The following CASP9 variants were observed in gnomAD, a reference collection of about 807,000 sequenced individuals.
The protein encoded by CASP9 is caspase-9.
In CASP9, 29 loss-of-function variants were observed where a neutral mutation model predicts 43.5. The observed-to-expected ratio is 0.67, with a 90% CI of 0.50 to 0.91. CASP9 has a LOEUF of 0.91. Ranked by LOEUF, CASP9 falls within the 40% of genes least tolerant of loss-of-function variation. The probability of loss-of-function intolerance (pLI) is 0.00; values close to 1 mark genes in which losing one functional copy is unlikely to be tolerated. For synonymous variants in CASP9, 206 were observed against 211.9 expected (o/e 0.97, Z 0.24); for missense variants, 575 against 537.4 (o/e 1.07, Z -0.69).
Position 15,507,857 on chromosome 1 carries a change from T to C in CASP9, c.453+16A>G, listed in dbSNP as rs1167272932. The C allele has an allele frequency of 6.2e-7, 1 of 1,613,794 alleles. No individual in the cohort carries two copies. Among genetic ancestry groups the C allele is most frequent in the African/African-American group, 1.3e-5 (1 of 74,892 alleles). ...CCAGAGCCCGAGCTACTGGCCCAAA[T>C]TTCATGGAGACTCACCAAATCTGCA... On this transcript the variant is annotated intron_variant, in intron 3 of 8. Coordinates refer to ENST00000333868, the MANE Select transcript of CASP9 (RefSeq NM_001229.5).
At chr1:15,500,612 C>G (rs1050878596) in intron 6 of CASP9, among the ~76,000 whole-genome samples, 1 of 152,198 alleles carries the variant, frequency 6.6e-6, no homozygotes, top group Non-Finnish European at 1.5e-5. Flanking sequence ...AGGGGGGCCT[C>G]TTTGATCTGT....
Position 15,495,409 on chromosome 1 carries a change from T to G in CASP9, c.912A>C (p.Glu304Asp). ...CGGGGTTACTGCCAGGGGACTCGTC[T>G]TCAGGGGAAGTGGAGGCCACCTCAA... is the stretch of plus-strand genomic sequence containing the variant. ...HGFEVASTSP[E>D]DESPGSNPEP... The change falls in exon 7 of 9, where the codon GAA becomes GAC. Residue 304 changes from glutamate (E) to aspartate (D), a missense_variant. Coordinates refer to ENST00000333868, the MANE Select transcript of CASP9 (RefSeq NM_001229.5). 1.2e-6 allele frequency: 2 copies of G among 1,606,628 alleles called. No individual in the cohort carries two copies. Among genetic ancestry groups the G allele is most frequent in the East Asian group, 4.5e-5 (2 of 44,736 alleles).
intron 6 of CASP9, among the ~76,000 whole-genome samples, chr1:15,496,841 C>T (rs1709120472): frequency 6.6e-6 from 1 of 151,766 alleles, no homozygotes; most frequent in South Asian, 2.1e-4. Context: ...CCAGCAAAAC[C>T]TCATCTCTAC....
Position 15,518,470 on chromosome 1 carries a change from C to T in CASP9, c.133-75G>A, listed in dbSNP as rs1710047133. On this transcript the variant is annotated intron_variant, in intron 1 of 8. Transcript: ENST00000333868. ...GCTCTCACCTTGTCTCCCCATTTCC[C>T]AGCTACTGTAAGTCTAAACAATCAG... 16 of 1,490,752 alleles carry T rather than the reference C, an allele frequency of 1.1e-5. No individual in the cohort carries two copies. In the South Asian group the frequency reaches 1.9e-4, roughly 18 times the overall value. 92.3% of individuals were successfully genotyped at this position (1,490,752 alleles called of 1,614,324 possible).
intron 4 of CASP9, 24 bp downstream of exon 4, chr1:15,506,875 T>A: frequency 2.2e-5 from 34 of 1,518,784 alleles, no homozygotes; most frequent in Non-Finnish European, 2.9e-5. Flanking sequence ...CCACCCTGTC[T>A]CCCTCCACAG....
At chr1:15,503,525 C>T (rs940055776) in intron 6 of CASP9, among the ~76,000 whole-genome samples, 1 of 152,176 alleles carries the variant, frequency 6.6e-6, no homozygotes, top group Non-Finnish European at 1.5e-5. Flanking sequence ...CTGTTTTTCC[C>T]CTATCCCCAG....
chr1:15,498,349 G>A (rs951237815), intron 6 of CASP9, among the ~76,000 whole-genome samples: 2 of 142,600 alleles, frequency 1.4e-5, no homozygotes, highest in African/African-American at 5.6e-5. Flanking sequence ...AAAGTGCTGG[G>A]ATTACAGGCA....
rs538733410 is a variant in CASP9 at position 15,509,407 on chromosome 1, G to T, written c.419-1500C>A. Among the ~76,000 whole-genome samples, 43 of 148,208 alleles carry T rather than the reference G, an allele frequency of 2.9e-4. 1 individual carries two copies. In the South Asian group the frequency reaches 8.9e-3, roughly 31 times the overall value. ...TGGGAGGCAGATCACCTGAGGTCAGGAGTTCGAGACTAGCCTGGCCAACGT... is the reference window on the plus strand; with the variant it reads ...TGGGAGGCAGATCACCTGAGGTCAGTAGTTCGAGACTAGCCTGGCCAACGT... On this transcript the variant is annotated intron_variant, in intron 2 of 8. Transcript: ENST00000333868.
intron 3 of CASP9, 50 bp from the exon 4 acceptor site, chr1:15,507,125 G>C: frequency 2.5e-6 from 4 of 1,609,674 alleles, no homozygotes; most frequent in East Asian, 2.2e-5. Context: ...ACGCTCCCTA[G>C]AGGACAGTCT....
At chr1:15,506,284 A>G (rs1439781687) in intron 4 of CASP9, among the ~76,000 whole-genome samples, 1 of 118,148 alleles carries the variant, frequency 8.5e-6, no homozygotes, top group Non-Finnish European at 1.7e-5. Context: ...CCCCGTCTCT[A>G]CTAAAAATAC....
At position 15,491,488 on chromosome 1, in the gene CASP9, T is replaced by C; in HGVS notation, c.*1455A>G. ...AGAACCAGAAATAGGTCAGGCGCAA[T>C]GGCTCAAGCCTGTAACCCCTGCACT... is the stretch of plus-strand genomic sequence containing the variant. On this transcript the variant is annotated 3_prime_UTR_variant, in exon 9 of 9. Coordinates refer to ENST00000333868, the MANE Select transcript of CASP9 (RefSeq NM_001229.5). The C allele has an allele frequency of 2.4e-6, 2 of 845,384 alleles. No individual in the cohort carries two copies. Among genetic ancestry groups the C allele is most frequent in the South Asian group, 3.4e-5 (2 of 58,880 alleles). 52.4% of individuals were successfully genotyped at this position (845,384 alleles called of 1,614,324 possible).
chr1:15,505,606 T>G (rs1369262432), intron 5 of CASP9, among the ~76,000 whole-genome samples: 1 of 152,018 alleles, frequency 6.6e-6, no homozygotes, highest in African/African-American at 2.4e-5. Flanking sequence ...AAGCCCCCAG[T>G]GGGCCTGGTG....
At chr1:15,498,619 C>T (rs1249734195) in intron 6 of CASP9, among the ~76,000 whole-genome samples, 1 of 152,052 alleles carries the variant, frequency 6.6e-6, no homozygotes, top group Non-Finnish European at 1.5e-5. Flanking sequence ...GTCAAGATCA[C>T]AGTGTCCCCT....
intron 6 of CASP9, 78 bp from the exon 7 acceptor site, chr1:15,495,530 A>G: frequency 8.1e-7 from 1 of 1,227,310 alleles, no homozygotes; most frequent in Non-Finnish European, 1.1e-6. Flanking sequence ...AAGTCGGTGC[A>G]ATATACTACA....
intron 6 of CASP9, among the ~76,000 whole-genome samples, chr1:15,497,659 G>C (rs34094056): frequency 7.0e-6 from 1 of 143,112 alleles, no homozygotes; most frequent in Non-Finnish European, 1.5e-5. Context: ...AAAAAAAAAA[G>C]ATATAAATAA....
chr1:15,524,730 G>A, upstream of CASP9: 1 of 1,019,678 alleles, frequency 9.8e-7, no homozygotes, highest in Non-Finnish European at 1.2e-6. Context: ...GTCAATTCTG[G>A]GGTCACCGCC....
chr1:15,520,519 G>A (rs1455081009), intron 1 of CASP9, among the ~76,000 whole-genome samples: 1 of 152,240 alleles, frequency 6.6e-6, no homozygotes, highest in Non-Finnish European at 1.5e-5. Context: ...AGGGTCAGGT[G>A]CTGAAGGGAC....
rs2308943 is a variant in CASP9, at chr1:15,504,796, T to C, written c.721-38A>G. The C allele has an allele frequency of 9.9e-5, 158 of 1,592,344 alleles. 1 individual carries two copies. In the African/African-American group the frequency reaches 1.9e-3, roughly 19 times the overall value. ...GAACCCTGGTTACAAAACCAAGAAG[T>C]TGGAGTAGGAATCCAACAGCCTGTT... On this transcript the variant is annotated intron_variant, in intron 5 of 8. Transcript: ENST00000333868.
At position 15,509,562 on chromosome 1, in the gene CASP9, G is replaced by A. The variant is rs192725549; in HGVS notation, c.419-1655C>T. On this transcript the variant is annotated intron_variant, in intron 2 of 8. Transcript: ENST00000333868. ...AGGCAGGAGAATCGCTTGAACCTGGGAGGCAGAGGTTGCAGTGAGTCGAGA... is the reference window on the plus strand; with the variant it reads ...AGGCAGGAGAATCGCTTGAACCTGGAAGGCAGAGGTTGCAGTGAGTCGAGA... Among the ~76,000 whole-genome samples the A allele has an allele frequency of 9.2e-3, 1,393 of 151,742 alleles. 20 individuals are homozygous for A. The highest frequency in any genetic ancestry group is 0.032 in the African/African-American group (1,331 of 41,346).
Sources: allele counts gnomAD v4.1 joint callset (sites outside exome capture counted in the v4.1 genomes callset), GRCh38; gene constraint gnomAD v4.1.1; transcripts MANE v1.5; gene names NCBI Gene and HGNC (gene_info 2026-07-23, HGNC 2026-07-21).